The following PAX7 variants were observed in gnomAD, a reference collection of about 807,000 sequenced individuals.
PAX7 encodes paired box protein Pax-7.
Under a neutral mutation model 50.7 loss-of-function variants are expected in PAX7, and 18 were observed. The observed-to-expected ratio is 0.36, with a 90% confidence interval of 0.25 to 0.53. PAX7 has a LOEUF of 0.53. Ranked by LOEUF, PAX7 falls within the 20% of genes least tolerant of loss-of-function variation. The pLI is 0.93. For missense variants in PAX7, 644 were observed against 702.9 expected (o/e 0.92, Z 0.95); for synonymous variants, 310 against 290.4 (o/e 1.07, Z -0.69).
chr1:18,662,235 G>A (rs1027603174), intron 4 of PAX7, among the ~76,000 whole-genome samples: 1 of 152,142 alleles, frequency 6.6e-6, no homozygotes, highest in African/African-American at 2.4e-5. Flanking sequence ...TATGTGACCC[G>A]GCCTTGGCCA....
At chr1:18,699,020 G>A (rs2089183351) in intron 5 of PAX7, among the ~76,000 whole-genome samples, 1 of 152,212 alleles carries the variant, frequency 6.6e-6, no homozygotes, top group South Asian at 2.1e-4. Flanking sequence ...CCATCAGGAT[G>A]GAACACCAAC....
intron 7 of PAX7, among the ~76,000 whole-genome samples, chr1:18,724,010 T>G (rs554018539): frequency 6.6e-6 from 1 of 152,296 alleles, no homozygotes; most frequent in African/African-American, 2.4e-5. Flanking sequence ...TGCTCTGACA[T>G]TTTTCACTCG....
intron 7 of PAX7, among the ~76,000 whole-genome samples, chr1:18,727,050 A>T (rs2089580638): frequency 6.6e-6 from 1 of 152,054 alleles, no homozygotes; most frequent in Non-Finnish European, 1.5e-5. Flanking sequence ...ACAGTAGTAG[A>T]TACTGCATGC....
intron 4 of PAX7, among the ~76,000 whole-genome samples, chr1:18,655,929 C>T (rs572375672): frequency 3.2e-4 from 48 of 152,158 alleles, no homozygotes; most frequent in Middle Eastern, 3.4e-3. Context: ...ATCTGTGTTT[C>T]ATCAAAGGCG....
At position 18,703,076 on chromosome 1, in the gene PAX7, T is replaced by C. The variant is rs370215104; in HGVS notation, c.953-18T>C. The stretch of plus-strand genomic sequence containing the variant: ...GATGAGGCCACTTGCTTAGGACCTC[T>C]CTTGGGTCTCTCTACAGATGGGGGC... On this transcript the variant is annotated intron_variant, in intron 6 of 8. Transcript: ENST00000420770. 1 of 1,610,726 alleles carries C rather than the reference T, an allele frequency of 6.2e-7. No homozygotes were observed. The highest frequency in any genetic ancestry group is 1.3e-5 in the African/African-American group (1 of 74,844).
rs1158691451 is a variant in PAX7 at position 18,647,763 on chromosome 1, CTA to C, written c.586+11394_586+11395del. On this transcript the variant is annotated intron_variant, in intron 4 of 8. Transcript: ENST00000420770. ...TCCAAGGCTTCTTTCAGTCACTCCC[CTA>C]TGACTTGAGAAATAATAGGGGCCTT... Among the ~76,000 whole-genome samples the C allele has an allele frequency of 5.0e-4, 76 of 152,126 alleles. 3 individuals carry two copies. The highest frequency in any genetic ancestry group is 5.0e-3 in the Admixed American group (76 of 15,278).
rs1427497726 is a variant in PAX7 at position 18,745,064 on chromosome 1, G to A, written c.*135G>A. ...GGAGCCCACCTGCTTCTCATCACCA[G>A]CCCCCTGGAGGTAGACAGCCAGCTT... is the stretch of plus-strand genomic sequence containing the variant. On this transcript the variant is annotated 3_prime_UTR_variant, in exon 9 of 9. Transcript: ENST00000420770. 3.2e-6 allele frequency: 2 copies of A among 618,190 alleles called. No homozygotes were observed. Among genetic ancestry groups the A allele is most frequent in the Non-Finnish European group, 5.8e-6 (2 of 343,638 alleles). 38.3% of individuals were successfully genotyped at this position (618,190 alleles called of 1,614,324 possible). A position where few individuals can be genotyped will look rare whatever the true frequency, so the allele number is the denominator to read the frequency against.
In PAX7 at chr1:18,747,101, G is replaced by A. The variant is rs750566362; in HGVS notation, c.*2172G>A. The A allele has an allele frequency of 1.8e-4, 41 of 229,138 alleles. No individual in the cohort carries two copies. The highest frequency in any genetic ancestry group is 1.3e-3 in the Middle Eastern group (1 of 794). The allele number at this position is 229,138 out of a possible 1,614,324, so 14.2% of individuals were successfully genotyped here. A position where few individuals can be genotyped will look rare whatever the true frequency, so the allele number is the denominator to read the frequency against. ...AACTCTTCCTGAAGACCAAACACTC[G>A]TCATCCACATTCCTTGAATGGCCAA... On this transcript the variant is annotated 3_prime_UTR_variant, in exon 9 of 9. Coordinates refer to ENST00000420770, the MANE Select transcript of PAX7 (RefSeq NM_001135254.2).
intron 4 of PAX7, among the ~76,000 whole-genome samples, chr1:18,672,925 G>T (rs1167696577): frequency 1.3e-5 from 2 of 152,108 alleles, no homozygotes; most frequent in Non-Finnish European, 2.9e-5. Context: ...ATTTTATGAA[G>T]CCTCTATCGG....
chr1:18,671,768 G>A (rs1042058686), intron 4 of PAX7, among the ~76,000 whole-genome samples: 5 of 151,338 alleles, frequency 3.3e-5, no homozygotes, highest in African/African-American at 4.9e-5. Context: ...AGGATCACTC[G>A]AGGCCAGGAG....
chr1:18,716,051 T>TTCCCCACCGGCCCTTCTCTCTCCTGGCCC (rs2089416022), intron 7 of PAX7, among the ~76,000 whole-genome samples: 1 of 151,916 alleles, frequency 6.6e-6, no homozygotes, highest in Non-Finnish European at 1.5e-5. Flanking sequence ...CTCCCTAACC[T>TTCCCCACCGGCCCTTCTCTCTCCTGGCCC]TCCCCACCGG....
intron 8 of PAX7, among the ~76,000 whole-genome samples, chr1:18,744,445 TGG>T (rs1931312294): frequency 6.7e-6 from 1 of 148,686 alleles, no homozygotes; most frequent in African/African-American, 2.5e-5. Context: ...GATGGATGGA[TGG>T]ATGGATGGAT....
Position 18,646,729 on chromosome 1 carries a change from A to C in PAX7, c.586+10358A>C, listed in dbSNP as rs187878462. ...AGAGGCGAATGCCTGGTGGCGCTTT[A>C]CTATGGTGTGGGCCGAGGCCCCGGC... On this transcript the variant is annotated intron_variant, in intron 4 of 8. Coordinates refer to ENST00000420770, the MANE Select transcript of PAX7 (RefSeq NM_001135254.2). Among the ~76,000 whole-genome samples, 627 of 151,974 alleles carry C rather than the reference A, an allele frequency of 4.1e-3. 4 individuals are homozygous for C. The highest frequency in any genetic ancestry group is 0.013 in the African/African-American group (559 of 41,472).
chr1:18,641,041 A>G (rs1167900519), intron 4 of PAX7, among the ~76,000 whole-genome samples: 2 of 152,192 alleles, frequency 1.3e-5, no homozygotes, highest in Non-Finnish European at 2.9e-5. Context: ...GAGAAACAAC[A>G]ATGAGGAGAT....
At chr1:18,693,613 T>C (rs2236825) in intron 5 of PAX7, among the ~76,000 whole-genome samples, 8,669 of 152,138 alleles carry the variant, frequency 0.057, 430 homozygotes, top group East Asian at 0.25. Flanking sequence ...AGATTAGGGG[T>C]CCTTCGCTTC....
At position 18,703,196 on chromosome 1, in the gene PAX7, A is replaced by T; in HGVS notation, c.1055A>T (p.Tyr352Phe). 6.2e-7 allele frequency: 1 copy of T among 1,613,808 alleles called. No homozygotes were observed. Among genetic ancestry groups the T allele is most frequent in the Non-Finnish European group, 8.5e-7 (1 of 1,179,952 alleles). Residue 352 changes from tyrosine to phenylalanine, a missense_variant, in exon 7 of 9, where the codon TAC becomes TTC. By Grantham distance (22) the Tyr-to-Phe change is conservative (BLOSUM62 3). Coordinates refer to ENST00000420770, the MANE Select transcript of PAX7 (RefSeq NM_001135254.2). ...AAAAADTSSA[Y>F]GARHSFSSYS... ...GCAGCCGCCGACACCAGCTCTGCCTACGGAGCCCGCCACAGCTTCTCCAGC... is the reference window on the plus strand; with the variant it reads ...GCAGCCGCCGACACCAGCTCTGCCTTCGGAGCCCGCCACAGCTTCTCCAGC...
intron 4 of PAX7, among the ~76,000 whole-genome samples, chr1:18,639,128 G>C (rs547888492): frequency 6.6e-6 from 1 of 152,268 alleles, no homozygotes; most frequent in South Asian, 2.1e-4. Flanking sequence ...CGTCCGCTTG[G>C]CATTTAATAA....
chr1:18,738,493 G>A (rs567552603), intron 8 of PAX7, among the ~76,000 whole-genome samples: 3 of 152,208 alleles, frequency 2.0e-5, no homozygotes, highest in African/African-American at 7.2e-5. Context: ...AGGAGGGTTT[G>A]TTCTCCTCTT....
In PAX7 at chr1:18,701,366, G is replaced by A. The variant is rs142071597; in HGVS notation, c.952+548G>A. ...TGTGAGTGCATGAGTGTGTGCGTAT[G>A]AGTGAGTGAATGAGTGTGTGTGGGT... is the stretch of plus-strand genomic sequence containing the variant. On this transcript the variant is annotated intron_variant, in intron 6 of 8. Coordinates refer to ENST00000420770, the MANE Select transcript of PAX7 (RefSeq NM_001135254.2). Among the ~76,000 whole-genome samples, 1,039 of 152,206 alleles carry A rather than the reference G, an allele frequency of 6.8e-3. 3 individuals carry two copies. Among genetic ancestry groups the A allele is most frequent in the Admixed American group, 7.3e-3 (112 of 15,286 alleles).
Sources: gnomAD v4.1 joint callset for allele counts (sites outside exome capture counted in the v4.1 genomes callset) on GRCh38, gnomAD v4.1.1 for gene constraint, MANE v1.5 for transcripts, NCBI Gene and HGNC (gene_info 2026-07-23, HGNC 2026-07-21) for gene names.